Variants in KCNH7 observed in about 807,000 individuals in gnomAD.
KCNH7 encodes potassium voltage-gated channel subfamily H member 7.
In KCNH7, 49 loss-of-function variants were observed where a neutral mutation model predicts 120.8. The ratio of observed to expected loss-of-function variants is 0.41; its 90% CI spans 0.32 to 0.51. KCNH7 has a LOEUF of 0.51. KCNH7 is among the 20% of genes least tolerant of loss of function. KCNH7 has a pLI of 0.38. For missense variants in KCNH7, 1,097 were observed against 1,446.6 expected (o/e 0.76, Z 3.92); for synonymous variants, 547 against 516.1 (o/e 1.06, Z -0.81).
intron 7 of KCNH7, among the ~76,000 whole-genome samples, chr2:162,443,452 C>A (rs75308780): frequency 2.0e-5 from 3 of 152,088 alleles, no homozygotes; most frequent in Non-Finnish European, 2.9e-5. Context: ...ACCCTCCTGC[C>A]CTTCACCAAA....
At chr2:162,741,402 G>A (rs1219424166) in intron 2 of KCNH7, among the ~76,000 whole-genome samples, 1 of 150,914 alleles carries the variant, frequency 6.6e-6, no homozygotes, top group Non-Finnish European at 1.5e-5. Flanking sequence ...AAAAATGAGA[G>A]CAAAAGCATT....
chr2:162,811,074 T>C (rs2105567968), intron 2 of KCNH7, among the ~76,000 whole-genome samples: 1 of 152,288 alleles, frequency 6.6e-6, no homozygotes, highest in East Asian at 1.9e-4. Flanking sequence ...TTATGATGAA[T>C]GGCTTTTCTA....
chr2:162,720,513 T>C (rs1339705148), intron 2 of KCNH7, among the ~76,000 whole-genome samples: 4 of 152,076 alleles, frequency 2.6e-5, no homozygotes, highest in Admixed American at 2.6e-4. Flanking sequence ...TATCCATTTA[T>C]ACATATGCAG....
chr2:162,638,675 AG>A (rs1193936946), intron 2 of KCNH7, among the ~76,000 whole-genome samples: 1 of 152,130 alleles, frequency 6.6e-6, no homozygotes, highest in African/African-American at 2.4e-5. Context: ...GTTATTTCCA[AG>A]GAATATGAAA....
rs191016578 is a variant in KCNH7, at chr2:162,532,443, T to G, written c.463+4482A>C. On this transcript the variant is annotated intron_variant, in intron 3 of 15. Transcript: ENST00000332142. ...AGATACCAGAGTCACTTACAATGGA[T>G]AGTCAAGCAGGTTGACGTCAGACTA... Among the ~76,000 whole-genome samples, 57 of 151,938 alleles carry G rather than the reference T, an allele frequency of 3.8e-4. 1 individual carries two copies. Among genetic ancestry groups the G allele is most frequent in the African/African-American group, 1.3e-3 (54 of 41,506 alleles).
intron 10 of KCNH7, among the ~76,000 whole-genome samples, chr2:162,399,175 A>G (rs1461704045): frequency 1.3e-5 from 2 of 151,736 alleles, no homozygotes; most frequent in African/African-American, 4.8e-5. Flanking sequence ...TACAGAAACT[A>G]AGGATAGGCG....
intron 3 of KCNH7, among the ~76,000 whole-genome samples, chr2:162,529,635 C>A (rs1691845645): frequency 1.3e-5 from 2 of 151,894 alleles, no homozygotes; most frequent in South Asian, 4.1e-4. Flanking sequence ...GGGCATTAAT[C>A]ACGTAAACAA....
At chr2:162,546,074 C>T (rs1191282406) in intron 2 of KCNH7, among the ~76,000 whole-genome samples, 1 of 152,162 alleles carries the variant, frequency 6.6e-6, no homozygotes, top group African/African-American at 2.4e-5. Context: ...AGAACTCTCA[C>T]ACATTTTCTG....
chr2:162,522,855 T>C (rs1443625225), intron 3 of KCNH7, among the ~76,000 whole-genome samples: 1 of 151,868 alleles, frequency 6.6e-6, no homozygotes, highest in East Asian at 2.0e-4. Flanking sequence ...ATAATTATAG[T>C]AGTTATAATT....
chr2:162,690,977 G>T (rs2105328321), intron 2 of KCNH7, among the ~76,000 whole-genome samples: 1 of 152,206 alleles, frequency 6.6e-6, no homozygotes, highest in Admixed American at 6.5e-5. Context: ...TGTTAATAAA[G>T]ATAGGGAGGA....
At chr2:162,763,174 T>C (rs1310716794) in intron 2 of KCNH7, among the ~76,000 whole-genome samples, 1 of 152,158 alleles carries the variant, frequency 6.6e-6, no homozygotes, top group Non-Finnish European at 1.5e-5. Context: ...TGTACAAATT[T>C]AGTTTCATAA....
rs1685950476 is a variant in KCNH7, at chr2:162,371,629, G to T, written c.*200C>A. ...GAGATGCTGGCAGTTTTAACATTTGGAACCAAAAGTTCTTATGTATATTTA... is the reference window on the plus strand; with the variant it reads ...GAGATGCTGGCAGTTTTAACATTTGTAACCAAAAGTTCTTATGTATATTTA... On this transcript the variant is annotated 3_prime_UTR_variant, in exon 16 of 16. Coordinates refer to ENST00000332142, the MANE Select transcript of KCNH7 (RefSeq NM_033272.4). 2.1e-5 allele frequency: 17 copies of T among 791,508 alleles called. No individual in the cohort carries two copies. The South Asian group carries it at 4.2e-4, about 19-fold the overall frequency. The allele number at this position is 791,508 out of a possible 1,614,324, so 49.0% of individuals were successfully genotyped here.
At chr2:162,400,107 A>G (rs1448972241) in intron 10 of KCNH7, 82 bp downstream of exon 10, 5 of 1,421,236 alleles carry the variant, frequency 3.5e-6, no homozygotes, top group Non-Finnish European at 4.8e-6. Context: ...TACATACATC[A>G]GTCTTTTTTT....
chr2:162,400,447 G>A lies in KCNH7; in HGVS notation c.2155-6C>T. ...TCTGGGAAACCCTTTAGGACCTGAG[G>A]AAAAAAAGAAAGAGTTTCATACTAC... On this transcript the variant is annotated splice_region_variant and splice_polypyrimidine_tract_variant and intron_variant, in intron 9 of 15. Transcript: ENST00000332142. 6.2e-7 allele frequency: 1 copy of A among 1,607,200 alleles called. No individual in the cohort carries two copies. Among genetic ancestry groups the A allele is most frequent in the Admixed American group, 1.7e-5 (1 of 58,578 alleles).
chr2:162,699,226 A>G (rs961501735), intron 2 of KCNH7, among the ~76,000 whole-genome samples: 6 of 152,076 alleles, frequency 3.9e-5, no homozygotes, highest in Non-Finnish European at 7.4e-5. Context: ...CATTTCCCCA[A>G]TTATTCCAAC....
chr2:162,590,945 C>T (rs1694193689), intron 2 of KCNH7, among the ~76,000 whole-genome samples: 1 of 152,084 alleles, frequency 6.6e-6, no homozygotes, highest in African/African-American at 2.4e-5. Flanking sequence ...ATGGCCTGGC[C>T]CTTGCCTACC....
intron 3 of KCNH7, among the ~76,000 whole-genome samples, chr2:162,527,274 G>A (rs1691740975): frequency 6.6e-6 from 1 of 151,934 alleles, no homozygotes; most frequent in Admixed American, 6.6e-5. Context: ...GTAAACATTA[G>A]TTACAGTATA....
At chr2:162,405,008 G>T (rs1336082406) in intron 9 of KCNH7, among the ~76,000 whole-genome samples, 1 of 151,998 alleles carries the variant, frequency 6.6e-6, no homozygotes, top group Non-Finnish European at 1.5e-5. Flanking sequence ...ATTGTTCAAA[G>T]AAATTCTCAA....
At chr2:162,530,954 C>A (rs148843740) in intron 3 of KCNH7, among the ~76,000 whole-genome samples, 1 of 151,786 alleles carries the variant, frequency 6.6e-6, no homozygotes, top group Admixed American at 6.6e-5. Context: ...AAAACTGACA[C>A]CAAGTAAGAG....
Sources: allele counts gnomAD v4.1 joint callset (sites outside exome capture counted in the v4.1 genomes callset), GRCh38; gene constraint gnomAD v4.1.1; transcripts MANE v1.5; gene names NCBI Gene and HGNC (gene_info 2026-07-23, HGNC 2026-07-21).